Variants in CASP4 observed in about 807,000 individuals in gnomAD.
CASP4 encodes the protein caspase 4.
In CASP4, 29 loss-of-function variants were observed where a neutral mutation model predicts 41.3. The ratio of observed to expected loss-of-function variants is 0.70; its 90% CI spans 0.52 to 0.96. The LOEUF (loss-of-function observed/expected upper bound fraction) is 0.96, where lower values mean the gene tolerates loss of function less well. Ranked by LOEUF, CASP4 falls within the 40% of genes least tolerant of loss-of-function variation. The pLI, the probability that CASP4 is intolerant of heterozygous loss-of-function variation, is 0.00. For missense variants in CASP4, 447 were observed against 460.6 expected, an observed-to-expected ratio of 0.97 and a Z score of 0.27; for synonymous variants, 185 against 158.4, an observed-to-expected ratio of 1.17 and a Z score of -1.26.
Position 104,947,113 on chromosome 11 carries a change from C to G in CASP4, c.1005G>C (p.Trp335Cys). 6.2e-7 allele frequency: 1 copy of G among 1,612,098 alleles called. No homozygotes were observed. Among genetic ancestry groups the G allele is most frequent in the Non-Finnish European group, 8.5e-7 (1 of 1,178,490 alleles). ...QLITCFQKYS[W>C]CCHLEEVFRK... is the part of the protein sequence containing the mutation. ...GAAATACTTCCTCTAGGTGGCAGCA[C>G]CAAGAATATTTCTGGAAGCATGTGA... is the stretch of plus-strand genomic sequence containing the variant. Residue 335 changes from tryptophan (W) to cysteine (C), a missense_variant, in exon 7 of 9, where the codon TGG becomes TGC. Physicochemically the swap from Trp to Cys is radical, Grantham distance 215. Transcript: ENST00000444739.
intron 1 of CASP4, among the ~76,000 whole-genome samples, chr11:104,962,860 G>C (rs1479200151): frequency 2.0e-5 from 3 of 152,114 alleles, no homozygotes; most frequent in Non-Finnish European, 4.4e-5. Flanking sequence ...ATTTCCTTCT[G>C]GTTTGCTATT....
At chr11:104,967,439 A>G (rs1470185820) in intron 1 of CASP4, among the ~76,000 whole-genome samples, 4 of 152,228 alleles carry the variant, frequency 2.6e-5, no homozygotes, top group Non-Finnish European at 4.4e-5. Flanking sequence ...CTGGATACAC[A>G]TGTTTCAAAA....
At chr11:104,954,650 G>C (rs537262089) in intron 2 of CASP4, 97 bp downstream of exon 2, 2 of 1,112,094 alleles carry the variant, frequency 1.8e-6, no homozygotes, top group Non-Finnish European at 2.6e-6. Flanking sequence ...GTTTAGGAAG[G>C]GAAAGATAGG....
intron 6 of CASP4, chr11:104,948,238 T>G: frequency 5.2e-6 from 1 of 193,336 alleles, no homozygotes; most frequent in East Asian, 1.2e-4. Context: ...AGTTGATCAT[T>G]TGAGAAAGAG....
At chr11:104,961,534 G>A (rs1860859449) in intron 1 of CASP4, among the ~76,000 whole-genome samples, 5 of 152,218 alleles carry the variant, frequency 3.3e-5, no homozygotes, top group Admixed American at 3.3e-4. Context: ...ATTGCAGGGT[G>A]TCTGTTTGTA....
In CASP4 at chr11:104,951,227, T is replaced by A. The variant is rs1029081663; in HGVS notation, c.373-129A>T. On this transcript the variant is annotated intron_variant, in intron 3 of 8. Transcript: ENST00000444739. ...TGCTCTAACTTGTATCAAAAGACACTGACTTTCTCTCTCTCAAGAACCCAG... is the reference window on the plus strand; with the variant it reads ...TGCTCTAACTTGTATCAAAAGACACAGACTTTCTCTCTCTCAAGAACCCAG... 7.1e-6 allele frequency: 5 copies of A among 705,334 alleles called. No individual in the cohort carries two copies. The African/African-American group carries it at 7.2e-5, about 10-fold the overall frequency. The allele number at this position is 705,334 out of a possible 1,614,324, so 43.7% of individuals were successfully genotyped here. A position where few individuals can be genotyped will look rare whatever the true frequency, so the allele number is the denominator to read the frequency against.
In CASP4 at chr11:104,948,655, AC is replaced by A; in HGVS notation, c.802del (p.Val268SerfsTer19). The stretch of plus-strand genomic sequence containing the variant: ...TTCCAAGGATGCTGGAGAGTCTCTG[AC>A]CCACAGTTCCCCACGGTTTGCTATG... ...CRGANRGELW[V>X]RDSPASLEVA... On this transcript the variant is annotated frameshift_variant, in exon 6 of 9. Coordinates refer to ENST00000444739, the MANE Select transcript of CASP4 (RefSeq NM_001225.4). LOFTEE classifies it high-confidence loss of function. 1 of 1,607,658 alleles carries A rather than the reference AC, an allele frequency of 6.2e-7. No homozygotes were observed. The highest frequency in any genetic ancestry group is 2.2e-5 in the East Asian group (1 of 44,786).
At chr11:104,953,889 TATC>T (rs1358113504) in intron 2 of CASP4, among the ~76,000 whole-genome samples, 2 of 152,176 alleles carry the variant, frequency 1.3e-5, no homozygotes, top group Non-Finnish European at 2.9e-5. Context: ...AGATTCTCCT[TATC>T]ATATTTTGTA....
chr11:104,943,504 A>T (rs1321622569), intron 8 of CASP4: 1 of 153,076 alleles, frequency 6.5e-6, no homozygotes, highest in East Asian at 1.9e-4. Context: ...TATCTATAGG[A>T]GTACAGCATC....
rs1224332046 is a variant in CASP4 at position 104,948,669 on chromosome 11, A to G, written c.789T>C (p.Arg263=). ...IIVQACRGAN[R]GELWVRDSPA... is the part of the protein sequence containing the mutation. ...GAGAGTCTCTGACCCACAGTTCCCC[A>G]CGGTTTGCTATGGAGACATTAACTT... Residue 263 remains arginine, a synonymous_variant, in exon 6 of 9, where the codon CGT becomes CGC. Coordinates refer to ENST00000444739, the MANE Select transcript of CASP4 (RefSeq NM_001225.4). 3.1e-6 allele frequency: 5 copies of G among 1,601,622 alleles called. No homozygotes were observed. The African/African-American group carries it at 4.0e-5, about 13-fold the overall frequency.
At position 104,949,647 on chromosome 11, in the gene CASP4, G is replaced by A; in HGVS notation, c.677C>T (p.Pro226Leu). 1 of 1,613,924 alleles carries A rather than the reference G, an allele frequency of 6.2e-7. No homozygotes were observed. The highest frequency in any genetic ancestry group is 8.5e-7 in the Non-Finnish European group (1 of 1,179,890). ...ICGTVHDEKK[P>L]DVLLYDTIFQ... The stretch of plus-strand genomic sequence containing the variant: ...GATGGTGTCATAAAGCAGCACATCT[G>A]GTTTTTTCTCATCATGCACAGTTCC... The change falls in exon 5 of 9, where the codon CCA becomes CTA. Residue 226 changes from proline to leucine, a missense_variant. By Grantham distance (98) the Pro-to-Leu change is moderately conservative. Transcript: ENST00000444739.
At chr11:104,956,525 C>T (rs914873979) in intron 1 of CASP4, 3 of 300,498 alleles carry the variant, frequency 1.0e-5, no homozygotes, top group Non-Finnish European at 1.5e-5. Context: ...TATATAGTAA[C>T]TGGGAACAAG....
intron 4 of CASP4, 38 bp from the exon 5 acceptor site, chr11:104,949,815 A>G: frequency 6.3e-7 from 1 of 1,592,942 alleles, no homozygotes; most frequent in Non-Finnish European, 8.6e-7. Context: ...TCAGAGAAGC[A>G]TCACAATTAA....
intron 1 of CASP4, among the ~76,000 whole-genome samples, chr11:104,959,593 A>T (rs1254665230): frequency 6.6e-6 from 1 of 152,330 alleles, no homozygotes; most frequent in East Asian, 1.9e-4. Flanking sequence ...TGAAACCTAT[A>T]CATTCAATAG....
At chr11:104,947,321 G>GCACTTA (rs1352860251) in intron 6 of CASP4, 129 bp from the exon 7 acceptor site, 7 of 509,652 alleles carry the variant, frequency 1.4e-5, no homozygotes, top group Non-Finnish European at 2.4e-5. Context: ...TTTGTAGGAA[G>GCACTTA]CACTTACAAC....
chr11:104,946,980 T>C, intron 7 of CASP4, 103 bp downstream of exon 7: 1 of 783,022 alleles, frequency 1.3e-6, no homozygotes, highest in Non-Finnish European at 2.2e-6. Flanking sequence ...GGTACCTCTC[T>C]ACTTTCACTT....
chr11:104,958,225 A>G (rs947399396), intron 1 of CASP4, among the ~76,000 whole-genome samples: 2 of 152,216 alleles, frequency 1.3e-5, no homozygotes, highest in Non-Finnish European at 2.9e-5. Flanking sequence ...TGGTCTAGAC[A>G]GTGATTTTTG....
At chr11:104,959,910 A>G (rs1022888156) in intron 1 of CASP4, among the ~76,000 whole-genome samples, 2 of 152,154 alleles carry the variant, frequency 1.3e-5, no homozygotes, top group African/African-American at 2.4e-5. Context: ...TTCTTTCTTA[A>G]GAAATAAATT....
chr11:104,961,205 C>A (rs78174681), intron 1 of CASP4, among the ~76,000 whole-genome samples: 2 of 152,210 alleles, frequency 1.3e-5, no homozygotes, highest in African/African-American at 4.8e-5. Flanking sequence ...ACTGCCAACC[C>A]AATGTGCATG....
Sources: allele counts gnomAD v4.1 joint callset (sites outside exome capture counted in the v4.1 genomes callset), GRCh38; gene constraint gnomAD v4.1.1; transcripts MANE v1.5; gene names NCBI Gene and HGNC (gene_info 2026-07-23, HGNC 2026-07-21).